The following MARCHF5 variants were observed in gnomAD, a reference collection of about 807,000 sequenced individuals.
MARCHF5 encodes E3 ubiquitin-protein ligase MARCHF5.
In MARCHF5, 5 loss-of-function variants were observed where a neutral mutation model predicts 36.5. The observed-to-expected ratio is 0.14, with a 90% CI of 0.07 to 0.29. The LOEUF is 0.29. MARCHF5 is among the 10% of genes least tolerant of loss of function. The pLI, the probability that MARCHF5 is intolerant of heterozygous loss-of-function variation, is 1.00. For missense variants in MARCHF5, 179 were observed against 336.3 expected, an observed-to-expected ratio of 0.53 and a Z score of 3.66; for synonymous variants, 103 against 109.9, an observed-to-expected ratio of 0.94 and a Z score of 0.39.
chr10:92,291,215 C>A lies in MARCHF5; in HGVS notation c.-280C>A. On this transcript the variant is annotated 5_prime_UTR_variant, in exon 1 of 6. Coordinates refer to ENST00000358935, the MANE Select transcript of MARCHF5 (RefSeq NM_017824.5). ...CCGGCAGCAACTCGGCGCCCGCGGT[C>A]CATGGACCGGAACCTCGGGCCGACG... 1 of 529,242 alleles carries A rather than the reference C, an allele frequency of 1.9e-6. No individual in the cohort carries two copies. The allele number at this position is 529,242 out of a possible 1,614,324, so 32.8% of individuals were successfully genotyped here. A position where few individuals can be genotyped will look rare whatever the true frequency, so the allele number is the denominator to read the frequency against.
intron 2 of MARCHF5, among the ~76,000 whole-genome samples, chr10:92,317,807 G>A (rs1198764091): frequency 6.7e-6 from 1 of 149,794 alleles, no homozygotes; most frequent in African/African-American, 2.5e-5. Flanking sequence ...CTGGAGTACA[G>A]CGCCATGATC....
intron 1 of MARCHF5, 181 bp downstream of exon 1, chr10:92,291,710 CTGGGTCGTAGACTT>C (rs1156667266): frequency 1.9e-5 from 10 of 516,514 alleles, no homozygotes; most frequent in Non-Finnish European, 2.2e-5. Flanking sequence ...AGCGAGCGGC[CTGGGTCGTAGACTT>C]TGGGTGAAAC....
intron 3 of MARCHF5, among the ~76,000 whole-genome samples, chr10:92,348,602 C>A (rs897602154): frequency 8.9e-6 from 1 of 112,828 alleles, no homozygotes; most frequent in Non-Finnish European, 2.0e-5. Flanking sequence ...GTATTTCTCG[C>A]CTTCTGGGAT....
In MARCHF5 at chr10:92,353,801, T is replaced by G. The variant is rs1029410555; in HGVS notation, c.*2594T>G. The G allele has an allele frequency of 6.6e-6, 1 of 152,634 alleles. No homozygotes were observed. The highest frequency in any genetic ancestry group is 1.5e-5 in the Non-Finnish European group (1 of 68,032). 9.5% of individuals were successfully genotyped at this position (152,634 alleles called of 1,614,324 possible). The stretch of plus-strand genomic sequence containing the variant: ...AGTGGCTGAAAATATTGTTTACCAT[T>G]ACATGATTATGAAATGACTGTGAAG... On this transcript the variant is annotated 3_prime_UTR_variant, in exon 6 of 6. Transcript: ENST00000358935.
At chr10:92,332,515 CTTTTTTTTTTT>C (rs34226671) in intron 2 of MARCHF5, among the ~76,000 whole-genome samples, 1 of 95,936 alleles carries the variant, frequency 1.0e-5, no homozygotes, top group Admixed American at 1.4e-4. Flanking sequence ...ATTCCCCATC[CTTTTTTTTTTT>C]TTTTTTTTTT....
intron 1 of MARCHF5, among the ~76,000 whole-genome samples, chr10:92,292,974 GA>G (rs1230880394): frequency 3.3e-5 from 5 of 152,128 alleles, no homozygotes; most frequent in African/African-American, 1.2e-4. Flanking sequence ...AATATGCCCA[GA>G]GGAAACCACC....
intron 2 of MARCHF5, among the ~76,000 whole-genome samples, chr10:92,323,691 TAGTA>T (rs1321026548): frequency 1.3e-5 from 2 of 152,214 alleles, no homozygotes; most frequent in African/African-American, 4.8e-5. Flanking sequence ...GTCTTTCATT[TAGTA>T]ACATGCATTT....
At chr10:92,327,395 T>C (rs947950252) in intron 2 of MARCHF5, among the ~76,000 whole-genome samples, 6 of 152,022 alleles carry the variant, frequency 3.9e-5, no homozygotes, top group Non-Finnish European at 8.8e-5. Context: ...TGATTACTTA[T>C]ATAATCAGTC....
intron 2 of MARCHF5, 59 bp from the exon 3 acceptor site, chr10:92,340,614 C>T: frequency 6.8e-7 from 1 of 1,476,744 alleles, no homozygotes; most frequent in Non-Finnish European, 9.1e-7. Flanking sequence ...AAATATCAAA[C>T]AAGTCATTTT....
intron 2 of MARCHF5, chr10:92,333,484 G>A (rs1843464529): frequency 5.7e-6 from 1 of 174,440 alleles, no homozygotes; most frequent in Non-Finnish European, 1.1e-5. Flanking sequence ...TGTACAAAAC[G>A]AGTTAAACAG....
intron 3 of MARCHF5, among the ~76,000 whole-genome samples, chr10:92,343,657 C>G (rs567776539): frequency 6.6e-6 from 1 of 152,354 alleles, no homozygotes; most frequent in South Asian, 2.1e-4. Flanking sequence ...GCAACCTCCG[C>G]TTTCCGGGTT....
At chr10:92,348,826 G>A (rs1843685894) in intron 3 of MARCHF5, among the ~76,000 whole-genome samples, 1 of 152,112 alleles carries the variant, frequency 6.6e-6, no homozygotes, top group Non-Finnish European at 1.5e-5. Context: ...TAGACACTTA[G>A]CCAGCCAGAG....
At position 92,353,548 on chromosome 10, in the gene MARCHF5, T is replaced by G. The variant is rs1843743819; in HGVS notation, c.*2341T>G. ...CAGTAGTTGTTTCTTAATTGCTAAG[T>G]AATCTGTTTGCACTCTAGGAAAAGT... On this transcript the variant is annotated 3_prime_UTR_variant, in exon 6 of 6. Transcript: ENST00000358935. 3 of 152,234 alleles carry G rather than the reference T, an allele frequency of 2.0e-5. No individual in the cohort carries two copies. The highest frequency in any genetic ancestry group is 6.5e-5 in the Admixed American group (1 of 15,270). 9.4% of individuals were successfully genotyped at this position (152,234 alleles called of 1,614,324 possible).
At chr10:92,305,776 T>A (rs1430785058) in intron 1 of MARCHF5, among the ~76,000 whole-genome samples, 3 of 152,190 alleles carry the variant, frequency 2.0e-5, no homozygotes, top group Non-Finnish European at 4.4e-5. Context: ...ATTAATTGGC[T>A]ATTTTCCATT....
intron 5 of MARCHF5, among the ~76,000 whole-genome samples, chr10:92,350,769 T>C (rs1477228430): frequency 3.9e-5 from 6 of 152,198 alleles, no homozygotes; most frequent in Non-Finnish European, 8.8e-5. Context: ...CCTTTCTTGC[T>C]CCCAACAGTG....
chr10:92,322,141 G>T (rs955127745), intron 2 of MARCHF5, among the ~76,000 whole-genome samples: 4 of 148,546 alleles, frequency 2.7e-5, no homozygotes, highest in African/African-American at 1.0e-4. Flanking sequence ...CTACTTGGGA[G>T]GCTGAAGCAG....
intron 2 of MARCHF5, among the ~76,000 whole-genome samples, chr10:92,322,530 C>G (rs1843302893): frequency 1.4e-5 from 2 of 146,488 alleles, no homozygotes; most frequent in Admixed American, 1.4e-4. Context: ...ACCTTGACTT[C>G]CTGGGCTCAA....
In MARCHF5 at chr10:92,317,768, T is replaced by C. The variant is rs1412176272; in HGVS notation, c.238+6431T>C. Among the ~76,000 whole-genome samples, 4 of 151,532 alleles carry C rather than the reference T, an allele frequency of 2.6e-5. No homozygotes were observed. In the East Asian group the frequency reaches 7.8e-4, roughly 29 times the overall value. ...ATCTGAATGCTTTTTTTTTTTTTTT[T>C]GAGGCACAGTCTCGCTCTGTTGCCC... On this transcript the variant is annotated intron_variant, in intron 2 of 5. Coordinates refer to ENST00000358935, the MANE Select transcript of MARCHF5 (RefSeq NM_017824.5).
chr10:92,345,617 C>A (rs1040788291), intron 3 of MARCHF5, among the ~76,000 whole-genome samples: 16 of 151,644 alleles, frequency 1.1e-4, no homozygotes, highest in Admixed American at 3.9e-4. Flanking sequence ...GCTTTTAGCC[C>A]TTCTGCAGGA....
Sources: allele counts gnomAD v4.1 joint callset (sites outside exome capture counted in the v4.1 genomes callset), GRCh38; gene constraint gnomAD v4.1.1; transcripts MANE v1.5; gene names NCBI Gene and HGNC (gene_info 2026-07-23, HGNC 2026-07-21).